The following STK3 variants were observed in gnomAD, a reference collection of about 807,000 sequenced individuals.
STK3 encodes serine/threonine kinase 3, also known as serine/threonine-protein kinase 3.
Under a neutral mutation model 58.0 loss-of-function variants are expected in STK3, and 41 were observed. The ratio of observed to expected loss-of-function variants is 0.71; its 90% CI spans 0.55 to 0.92. The LOEUF (loss-of-function observed/expected upper bound fraction) is 0.92. Among genes scored for constraint, STK3 ranks in the 40% least tolerant of loss-of-function variants. The probability of loss-of-function intolerance (pLI) is 0.00; values close to 1 mark genes in which losing one functional copy is unlikely to be tolerated. For missense variants in STK3, 479 were observed against 602.7 expected, an observed-to-expected ratio of 0.79 and a Z score of 2.15; for synonymous variants, 170 against 191.0, an observed-to-expected ratio of 0.89 and a Z score of 0.91.
At chr8:98,586,491 C>A (rs1338542993) in intron 7 of STK3, among the ~76,000 whole-genome samples, 22 of 149,292 alleles carry the variant, frequency 1.5e-4, no homozygotes, top group Non-Finnish European at 3.1e-4. Context: ...CTGCTGGATT[C>A]GGTTTGCCAG....
At position 98,924,057 on chromosome 8, in the gene STK3, T is replaced by C. The variant is rs16897124; in HGVS notation, c.-79+18321A>G. 9.9e-3 allele frequency among the ~76,000 whole-genome samples: 1,502 copies of C among 152,256 alleles called. 33 individuals carry two copies. The highest frequency in any genetic ancestry group is 0.035 in the African/African-American group (1,441 of 41,546). On this transcript the variant is annotated intron_variant, in intron 1 of 1. Transcript: ENST00000519420. ...ACCCTGAAAGAGTTGTCAGGCCTTC[T>C]TGAGTTCATGGAGGTTTGCAGGTTC... is the stretch of plus-strand genomic sequence containing the variant.
At chr8:98,473,200 C>G (rs1821054854) in intron 10 of STK3, among the ~76,000 whole-genome samples, 1 of 152,098 alleles carries the variant, frequency 6.6e-6, no homozygotes. Context: ...TGAATATAAG[C>G]AATGCCATTT....
chr8:98,536,616 C>A (rs1039662172), intron 9 of STK3, among the ~76,000 whole-genome samples: 2 of 151,990 alleles, frequency 1.3e-5, no homozygotes, highest in African/African-American at 2.4e-5. Flanking sequence ...AGCATAATAC[C>A]CTAAAAGATG....
intron 7 of STK3, among the ~76,000 whole-genome samples, chr8:98,585,386 G>GT (rs1393092401): frequency 6.6e-6 from 1 of 151,922 alleles, no homozygotes; most frequent in Non-Finnish European, 1.5e-5. Context: ...TCTCAGGTTT[G>GT]TCAAAGATCA....
intron 3 of STK3, among the ~76,000 whole-genome samples, chr8:98,864,162 C>A (rs2131858169): frequency 7.3e-6 from 1 of 137,486 alleles, no homozygotes; most frequent in East Asian, 2.2e-4. Context: ...TGCACCACTG[C>A]ACTCCAGCCT....
chr8:98,869,248 C>T (rs1051883327), intron 3 of STK3, among the ~76,000 whole-genome samples: 2 of 152,048 alleles, frequency 1.3e-5, no homozygotes, highest in Non-Finnish European at 2.9e-5. Context: ...TGGTGAAACA[C>T]AATCTCTACC....
At chr8:98,697,123 A>T (rs1351495341) in intron 6 of STK3, among the ~76,000 whole-genome samples, 1 of 152,200 alleles carries the variant, frequency 6.6e-6, no homozygotes, top group South Asian at 2.1e-4. Context: ...CATTTCTTCT[A>T]GATTTTCTAG....
downstream of STK3, among the ~76,000 whole-genome samples, chr8:98,367,206 T>C (rs1346081711): frequency 6.6e-6 from 1 of 152,188 alleles, no homozygotes. Context: ...GCCTAGCCCA[T>C]AGTAAGTATT....
chr8:98,615,058 C>A (rs1563806045), intron 6 of STK3, among the ~76,000 whole-genome samples: 1 of 151,910 alleles, frequency 6.6e-6, no homozygotes. Context: ...CTTAAATGTC[C>A]CTGTCTGACA....
chr8:98,910,147 G>A lies in STK3; in HGVS notation c.-78-26313C>T, dbSNP rs148654644. Among the ~76,000 whole-genome samples the A allele has an allele frequency of 4.5e-3, 689 of 152,240 alleles. 3 individuals carry two copies. The highest frequency in any genetic ancestry group is 7.3e-3 in the Non-Finnish European group (497 of 68,006). ...ATTGGTCTCTTGTACAGCTTTCTTGGAGAAATGTCTATTCAGATCCTTTTC... is the reference window on the plus strand; with the variant it reads ...ATTGGTCTCTTGTACAGCTTTCTTGAAGAAATGTCTATTCAGATCCTTTTC... On this transcript the variant is annotated intron_variant, in intron 1 of 1. Transcript: ENST00000519420.
chr8:98,635,990 C>T (rs1048610360), intron 6 of STK3, among the ~76,000 whole-genome samples: 4 of 152,004 alleles, frequency 2.6e-5, no homozygotes, highest in Admixed American at 1.3e-4. Flanking sequence ...AGTACATTAC[C>T]TATTTTTTTA....
chr8:98,849,373 T>C (rs1836349049), intron 3 of STK3, among the ~76,000 whole-genome samples: 3 of 152,202 alleles, frequency 2.0e-5, no homozygotes, highest in African/African-American at 7.2e-5. Context: ...GGTTACCCTA[T>C]AATCCAAGTG....
intron 3 of STK3, among the ~76,000 whole-genome samples, chr8:98,415,057 G>A (rs1818098442): frequency 6.6e-6 from 1 of 152,206 alleles, no homozygotes; most frequent in Admixed American, 6.5e-5. Flanking sequence ...GGTTGTACCT[G>A]CATGAATGGG....
chr8:98,490,292 T>A (rs1029500154), intron 10 of STK3, among the ~76,000 whole-genome samples: 5 of 152,230 alleles, frequency 3.3e-5, no homozygotes, highest in African/African-American at 1.2e-4. Flanking sequence ...GTTAGTTGAT[T>A]ATCTTGGGTT....
chr8:98,748,044 G>T (rs1051641881), intron 4 of STK3, among the ~76,000 whole-genome samples: 1 of 152,082 alleles, frequency 6.6e-6, no homozygotes, highest in Non-Finnish European at 1.5e-5. Flanking sequence ...AAACTTCTTG[G>T]ATCAAATACT....
At chr8:98,429,255 G>C in intron 3 of STK3, 1 of 1,614,082 alleles carries the variant, frequency 6.2e-7, no homozygotes. Flanking sequence ...ACTTGAGAGT[G>C]CCATGCGCAG....
At chr8:98,757,311 G>A (rs964548794) in intron 3 of STK3, among the ~76,000 whole-genome samples, 4 of 150,600 alleles carry the variant, frequency 2.7e-5, no homozygotes, top group Non-Finnish European at 4.4e-5. Context: ...CTCCTGAGTA[G>A]CTGGGATTAC....
chr8:98,834,791 C>T (rs1430241327), intron 3 of STK3, among the ~76,000 whole-genome samples: 18 of 152,038 alleles, frequency 1.2e-4, no homozygotes, highest in Non-Finnish European at 1.5e-5. Flanking sequence ...AAAGAGACAC[C>T]GTAATTCATA....
chr8:98,696,788 T>C (rs1302555780), intron 6 of STK3, among the ~76,000 whole-genome samples: 4 of 151,906 alleles, frequency 2.6e-5, no homozygotes, highest in Admixed American at 2.0e-4. Context: ...TTTGCATCAA[T>C]GTTCATCAAG....
Sources: allele counts gnomAD v4.1 joint callset (sites outside exome capture counted in the v4.1 genomes callset), GRCh38; gene constraint gnomAD v4.1.1; transcripts MANE v1.5; gene names NCBI Gene and HGNC (gene_info 2026-07-23, HGNC 2026-07-21).